PHF14: variants seen among roughly 807,000 people sequenced by gnomAD.
The protein encoded by PHF14 is PHD finger protein 14.
Under a neutral mutation model 117.9 loss-of-function variants are expected in PHF14, and 55 were observed. That is an observed-to-expected ratio of 0.47 (90% CI 0.38 to 0.58). PHF14 has a LOEUF of 0.58. PHF14 is among the 20% of genes least tolerant of loss of function. The pLI is 0.00. For synonymous variants in PHF14, 409 were observed against 368.6 expected, an observed-to-expected ratio of 1.11 and a Z score of -1.26; for missense variants, 978 against 1,122.2, an observed-to-expected ratio of 0.87 and a Z score of 1.84.
chr7:11,007,977 A>G (rs1347379598), intron 4 of PHF14, among the ~76,000 whole-genome samples: 1 of 152,206 alleles, frequency 6.6e-6, no homozygotes, highest in African/African-American at 2.4e-5. Context: ...GTCACTTAGT[A>G]TAAATATCTT....
At chr7:11,060,143 T>C (rs1039181300) in intron 14 of PHF14, among the ~76,000 whole-genome samples, 24 of 152,184 alleles carry the variant, frequency 1.6e-4, no homozygotes, top group Non-Finnish European at 2.8e-4. Flanking sequence ...TCTCAAAGTG[T>C]TGAGATTATG....
Position 11,111,332 on chromosome 7 carries a change from A to C in PHF14, c.2655-18A>C, listed in dbSNP as rs1252364376. On this transcript the variant is annotated intron_variant, in intron 16 of 17. Coordinates refer to ENST00000634607, the MANE Select transcript of PHF14 (RefSeq NM_001007157.2). Reference sequence around the variant, plus strand: ...TATTATTTAGATACACCTACCTATAAATCTGTTTACCCTGCAGGTGTGATG... The same window carrying C: ...TATTATTTAGATACACCTACCTATACATCTGTTTACCCTGCAGGTGTGATG... 7.8e-7 allele frequency: 1 copy of C among 1,286,270 alleles called. No homozygotes were observed. The highest frequency in any genetic ancestry group is 1.1e-6 in the Non-Finnish European group (1 of 892,072). The allele number at this position is 1,286,270 out of a possible 1,614,324, so 79.7% of individuals were successfully genotyped here. A position where few individuals can be genotyped will look rare whatever the true frequency, so the allele number is the denominator to read the frequency against.
chr7:11,028,935 G>T, intron 7 of PHF14, 117 bp downstream of exon 7: 1 of 857,716 alleles, frequency 1.2e-6, no homozygotes, highest in Non-Finnish European at 1.7e-6. Flanking sequence ...TAAAGTTCTT[G>T]CCAAGATCAC....
At chr7:11,044,943 A>G (rs560821813) in intron 13 of PHF14, among the ~76,000 whole-genome samples, 6 of 152,214 alleles carry the variant, frequency 3.9e-5, no homozygotes, top group Admixed American at 6.5e-5. Flanking sequence ...TCCAATGAAC[A>G]TTTTCTTTGA....
chr7:11,000,321 T>A (rs1453632488), intron 4 of PHF14, among the ~76,000 whole-genome samples: 8 of 150,252 alleles, frequency 5.3e-5, no homozygotes, highest in African/African-American at 2.0e-4. Flanking sequence ...TATCTTTTCA[T>A]ATGCTTATTT....
At chr7:11,000,149 G>T (rs1234244995) in intron 4 of PHF14, among the ~76,000 whole-genome samples, 1 of 152,054 alleles carries the variant, frequency 6.6e-6, no homozygotes, top group Non-Finnish European at 1.5e-5. Context: ...AGATGCAAAA[G>T]ATGCAAAAAG....
At chr7:11,028,264 CAG>C (rs1783992581) in intron 6 of PHF14, among the ~76,000 whole-genome samples, 1 of 152,042 alleles carries the variant, frequency 6.6e-6, no homozygotes, top group South Asian at 2.1e-4. Context: ...AAGTGGAAAA[CAG>C]AATGGTCGTA....
At chr7:11,055,906 G>T (rs1231376561) in intron 14 of PHF14, among the ~76,000 whole-genome samples, 4 of 152,096 alleles carry the variant, frequency 2.6e-5, no homozygotes, top group African/African-American at 7.2e-5. Context: ...GTGACTAAAG[G>T]TTACTGTACA....
intron 5 of PHF14, among the ~76,000 whole-genome samples, chr7:11,021,295 A>AT (rs1030475815): frequency 5.3e-5 from 8 of 151,854 alleles, no homozygotes; most frequent in Admixed American, 1.3e-4. Context: ...AACAAGGAAG[A>AT]TTTTTTTTTA....
At chr7:11,162,465 A>G (rs991913803) in intron 17 of PHF14, among the ~76,000 whole-genome samples, 1 of 152,188 alleles carries the variant, frequency 6.6e-6, no homozygotes, top group African/African-American at 2.4e-5. Flanking sequence ...ATAAATTTAT[A>G]GAATTGGGAT....
intron 16 of PHF14, among the ~76,000 whole-genome samples, chr7:11,081,555 A>G (rs760148381): frequency 1.3e-5 from 2 of 152,200 alleles, no homozygotes; most frequent in Non-Finnish European, 2.9e-5. Flanking sequence ...TTAAGTTAGA[A>G]TCGTCCCATA....
chr7:11,069,485 A>G lies in PHF14; in HGVS notation c.2654+7400A>G, dbSNP rs1401857694. On this transcript the variant is annotated intron_variant, in intron 16 of 17. Coordinates refer to ENST00000634607, the MANE Select transcript of PHF14 (RefSeq NM_001007157.2). ...CTGTCCCAGGGAGGCTTCAAAATCA[A>G]CCTTGCAAATCTGGGATAAACCCTT... is the stretch of plus-strand genomic sequence containing the variant. Among the ~76,000 whole-genome samples, 7 of 152,000 alleles carry G rather than the reference A, an allele frequency of 4.6e-5. No homozygotes were observed. The East Asian group carries it at 1.3e-3, about 29-fold the overall frequency.
intron 17 of PHF14, among the ~76,000 whole-genome samples, chr7:11,111,926 G>T (rs528518293): frequency 1.3e-5 from 2 of 148,954 alleles, no homozygotes; most frequent in Admixed American, 6.7e-5. Context: ...AAACAAAATA[G>T]TTTTCATATC....
chr7:11,146,020 A>G (rs1788541249), intron 17 of PHF14, among the ~76,000 whole-genome samples: 1 of 152,120 alleles, frequency 6.6e-6, no homozygotes, highest in African/African-American at 2.4e-5. Flanking sequence ...ACATTATTAT[A>G]TTTAAATGTC....
rs76322253 is a variant in PHF14 at position 11,105,521 on chromosome 7, A to G, written c.2655-5829A>G. The stretch of plus-strand genomic sequence containing the variant: ...TCCAGCAGAGCAGAATATTTACATC[A>G]TTAAATTTTTAAAAAAATTTAAAAA... On this transcript the variant is annotated intron_variant, in intron 16 of 17. Coordinates refer to ENST00000634607, the MANE Select transcript of PHF14 (RefSeq NM_001007157.2). 4.7e-4 allele frequency: 458 copies of G among 979,616 alleles called. 1 individual carries two copies. In the African/African-American group the frequency reaches 7.7e-3, roughly 16 times the overall value. The allele number at this position is 979,616 out of a possible 1,614,324, so 60.7% of individuals were successfully genotyped here. A position where few individuals can be genotyped will look rare whatever the true frequency, so the allele number is the denominator to read the frequency against.
intron 17 of PHF14, among the ~76,000 whole-genome samples, chr7:11,149,278 G>T (rs61481160): frequency 6.6e-6 from 1 of 152,050 alleles, no homozygotes; most frequent in East Asian, 1.9e-4. Context: ...TTAATCTAAA[G>T]TCATATTGAC....
intron 17 of PHF14, among the ~76,000 whole-genome samples, chr7:11,152,708 C>T (rs1427444060): frequency 6.6e-6 from 1 of 152,064 alleles, no homozygotes; most frequent in African/African-American, 2.4e-5. Context: ...GGCAGACAGA[C>T]AATCTGTAAA....
At chr7:10,985,645 T>G (rs1243832966) in intron 3 of PHF14, among the ~76,000 whole-genome samples, 68 of 121,374 alleles carry the variant, frequency 5.6e-4, no homozygotes, top group African/African-American at 2.1e-3. Context: ...ACTGTTTTTT[T>G]TTTTTTTTTT....
At chr7:11,126,580 C>T (rs193219010) in intron 17 of PHF14, among the ~76,000 whole-genome samples, 4 of 152,010 alleles carry the variant, frequency 2.6e-5, no homozygotes, top group Admixed American at 2.0e-4. Context: ...GTTTCAAAAT[C>T]CCTAACTTTT....
Sources: gnomAD v4.1 joint callset for allele counts (sites outside exome capture counted in the v4.1 genomes callset) on GRCh38, gnomAD v4.1.1 for gene constraint, MANE v1.5 for transcripts, NCBI Gene and HGNC (gene_info 2026-07-23, HGNC 2026-07-21) for gene names.